KCNQ3: variants seen among roughly 807,000 people sequenced by gnomAD.
The protein encoded by KCNQ3 is potassium voltage-gated channel subfamily Q member 3.
KCNQ3 carries 30 observed loss-of-function variants against 92.5 expected under a neutral mutation model. The ratio of observed to expected loss-of-function variants is 0.32; its 90% CI spans 0.24 to 0.44. The LOEUF (loss-of-function observed/expected upper bound fraction) is 0.44. Ranked by LOEUF, KCNQ3 falls within the 20% of genes least tolerant of loss-of-function variation. The probability of loss-of-function intolerance (pLI) is 1.00; values close to 1 mark genes in which losing one functional copy is unlikely to be tolerated. For synonymous variants in KCNQ3, 450 were observed against 468.8 expected (o/e 0.96, Z 0.52); for missense variants, 913 against 1,140.3 (o/e 0.80, Z 2.87).
chr8:132,177,933 T>C (rs866704171), intron 4 of KCNQ3, among the ~76,000 whole-genome samples: 25 of 152,348 alleles, frequency 1.6e-4, no homozygotes, highest in South Asian at 1.2e-3. Context: ...TCTAAGTCTA[T>C]GTGCAGAGAG....
At chr8:132,245,471 A>G (rs1815141369) in intron 1 of KCNQ3, among the ~76,000 whole-genome samples, 1 of 152,196 alleles carries the variant, frequency 6.6e-6, no homozygotes, top group Non-Finnish European at 1.5e-5. Context: ...TAATGTGTTT[A>G]GCATATGGAC....
chr8:132,436,313 A>T (rs1414188076), intron 1 of KCNQ3, among the ~76,000 whole-genome samples: 1 of 152,218 alleles, frequency 6.6e-6, no homozygotes, highest in Non-Finnish European at 1.5e-5. Flanking sequence ...ATCACAGAAG[A>T]TGCTATAAAA....
chr8:132,174,680 T>C (rs184243090), intron 5 of KCNQ3, among the ~76,000 whole-genome samples: 1 of 152,348 alleles, frequency 6.6e-6, no homozygotes, highest in African/African-American at 2.4e-5. Flanking sequence ...TGCTTGTGAG[T>C]ATATTTGTAT....
chr8:132,244,920 CAAAA>C (rs35215337), intron 1 of KCNQ3, among the ~76,000 whole-genome samples: 5 of 112,354 alleles, frequency 4.5e-5, no homozygotes, highest in Non-Finnish European at 3.5e-5. Flanking sequence ...CTCACTTGAC[CAAAA>C]AAAAAAAAAA....
intron 1 of KCNQ3, among the ~76,000 whole-genome samples, chr8:132,188,527 T>C (rs1166534412): frequency 6.6e-6 from 1 of 152,246 alleles, no homozygotes; most frequent in African/African-American, 2.4e-5. Context: ...CTGTGTAAAA[T>C]GAATCCAATT....
chr8:132,346,141 G>A (rs1040190540), intron 1 of KCNQ3, among the ~76,000 whole-genome samples: 2 of 152,148 alleles, frequency 1.3e-5, no homozygotes, highest in Admixed American at 1.3e-4. Flanking sequence ...GGTGATTGAG[G>A]ATGCTGATGG....
intron 4 of KCNQ3, 33 bp from the exon 5 acceptor site, chr8:132,175,641 T>A (rs970996208): frequency 3.1e-6 from 5 of 1,609,422 alleles, no homozygotes; most frequent in Non-Finnish European, 3.4e-6. Flanking sequence ...TGAAAAGTGG[T>A]CACTGGGGAG....
At chr8:132,221,884 T>A (rs1009778542) in intron 1 of KCNQ3, among the ~76,000 whole-genome samples, 4 of 152,110 alleles carry the variant, frequency 2.6e-5, no homozygotes, top group Non-Finnish European at 5.9e-5. Context: ...TGAAACTGGA[T>A]CCCTTCCTTA....
intron 1 of KCNQ3, among the ~76,000 whole-genome samples, chr8:132,402,387 A>G (rs2721899): frequency 0.56 from 85,090 of 151,598 alleles, 25,463 homozygotes; most frequent in South Asian, 0.73. Context: ...TCTTTCCTAT[A>G]CAAGGCAAAT....
In KCNQ3 at chr8:132,423,503, C is replaced by A. The variant is rs913702486; in HGVS notation, c.386+56644G>T. Among the ~76,000 whole-genome samples, 29 of 152,156 alleles carry A rather than the reference C, an allele frequency of 1.9e-4. 1 individual carries two copies. Among genetic ancestry groups the A allele is most frequent in the African/African-American group, 7.0e-4 (29 of 41,428 alleles). ...GACTCCTGGTTTGGCCACTCTATGG[C>A]CATAAGAGATGGCCACAAAACAGTT... is the stretch of plus-strand genomic sequence containing the variant. On this transcript the variant is annotated intron_variant, in intron 1 of 14. Transcript: ENST00000388996.
chr8:132,157,748 T>C (rs1460615071), intron 9 of KCNQ3, among the ~76,000 whole-genome samples: 2 of 152,116 alleles, frequency 1.3e-5, no homozygotes, highest in Non-Finnish European at 2.9e-5. Flanking sequence ...GCCATGGTGG[T>C]TTGCTGTACC....
At chr8:132,271,214 G>A (rs535093030) in intron 1 of KCNQ3, among the ~76,000 whole-genome samples, 1 of 152,350 alleles carries the variant, frequency 6.6e-6, no homozygotes, top group South Asian at 2.1e-4. Flanking sequence ...CAGGACTTGG[G>A]CCAGTGCCTG....
At position 132,125,456 on chromosome 8, in the gene KCNQ3, A is replaced by G. The variant is rs1004289273; in HGVS notation, c.*3806T>C. 6.6e-6 allele frequency: 1 copy of G among 152,202 alleles called. No individual in the cohort carries two copies. Among genetic ancestry groups the G allele is most frequent in the Non-Finnish European group, 1.5e-5 (1 of 68,030 alleles). 9.4% of individuals were successfully genotyped at this position (152,202 alleles called of 1,614,324 possible). On this transcript the variant is annotated 3_prime_UTR_variant, in exon 15 of 15. Transcript: ENST00000388996. ...TCTAGATTCCTAGCATTTTGATGGC[A>G]GAAACTGTGGTTTTCTTATCTCTGA... is the stretch of plus-strand genomic sequence containing the variant.
intron 1 of KCNQ3, among the ~76,000 whole-genome samples, chr8:132,416,769 A>G (rs1302355031): frequency 6.6e-6 from 1 of 152,180 alleles, no homozygotes; most frequent in Non-Finnish European, 1.5e-5. Context: ...GGTGGTGCCC[A>G]GGGCTGGGTC....
chr8:132,212,145 G>A (rs1041915986), intron 1 of KCNQ3, among the ~76,000 whole-genome samples: 1 of 151,918 alleles, frequency 6.6e-6, no homozygotes. Flanking sequence ...TGCATTATTT[G>A]CATCTTTGCT....
At chr8:132,410,440 C>T (rs1820619761) in intron 1 of KCNQ3, among the ~76,000 whole-genome samples, 1 of 152,148 alleles carries the variant, frequency 6.6e-6, no homozygotes, top group South Asian at 2.1e-4. Context: ...GCTGTTGCTG[C>T]CAGATGGAAA....
chr8:132,281,375 G>A (rs11779291), intron 1 of KCNQ3, among the ~76,000 whole-genome samples: 66,469 of 151,784 alleles, frequency 0.44, 16,535 homozygotes, highest in East Asian at 0.68. Flanking sequence ...TGACAAGAAG[G>A]CAGCACTGAA....
At chr8:132,441,598 CAAACAA>C (rs1821539604) in intron 1 of KCNQ3, among the ~76,000 whole-genome samples, 1 of 151,736 alleles carries the variant, frequency 6.6e-6, no homozygotes, top group Non-Finnish European at 1.5e-5. Context: ...AACAAACAAA[CAAACAA>C]ATATATATAT....
intron 1 of KCNQ3, among the ~76,000 whole-genome samples, chr8:132,224,745 A>T (rs1814354361): frequency 1.6e-5 from 2 of 126,894 alleles, no homozygotes; most frequent in Non-Finnish European, 3.7e-5. Context: ...AAATACCTTG[A>T]TTTTGATACT....
Sources: allele counts gnomAD v4.1 joint callset (sites outside exome capture counted in the v4.1 genomes callset), GRCh38; gene constraint gnomAD v4.1.1; transcripts MANE v1.5; gene names NCBI Gene and HGNC (gene_info 2026-07-23, HGNC 2026-07-21).